Variants in BMP6 observed in about 807,000 individuals in gnomAD.
BMP6 encodes the protein VG-1-R.
In BMP6, 17 loss-of-function variants were observed where a neutral mutation model predicts 54.1. The ratio of observed to expected loss-of-function variants is 0.31; its 90% CI spans 0.22 to 0.47. The LOEUF is 0.47. Ranked by LOEUF, BMP6 falls within the 20% of genes least tolerant of loss-of-function variation. The pLI is 1.00. For synonymous variants in BMP6, 328 were observed against 291.2 expected (o/e 1.13, Z -1.28); for missense variants, 720 against 690.4 (o/e 1.04, Z -0.48).
At chr6:7,789,181 C>T (rs1161495632) in intron 1 of BMP6, among the ~76,000 whole-genome samples, 6 of 152,176 alleles carry the variant, frequency 3.9e-5, no homozygotes, top group Non-Finnish European at 8.8e-5. Context: ...ATTCTGTACC[C>T]CTAGCCCTAC....
intron 1 of BMP6, among the ~76,000 whole-genome samples, chr6:7,755,726 C>T (rs1385298295): frequency 4.6e-5 from 7 of 151,862 alleles, no homozygotes; most frequent in African/African-American, 1.7e-4. Flanking sequence ...TCATGTAATA[C>T]TTGTCTACTG....
chr6:7,837,325 C>T (rs924513866), intron 1 of BMP6, among the ~76,000 whole-genome samples: 1 of 151,868 alleles, frequency 6.6e-6, no homozygotes, highest in Non-Finnish European at 1.5e-5. Context: ...ATTAAAATAT[C>T]TTTATTAGCA....
At chr6:7,854,928 G>A (rs1018257383) in intron 2 of BMP6, among the ~76,000 whole-genome samples, 1 of 152,168 alleles carries the variant, frequency 6.6e-6, no homozygotes, top group African/African-American at 2.4e-5. Context: ...AGCAGACTGG[G>A]TAGCCGTCAG....
At chr6:7,865,526 A>G (rs576393624) in intron 4 of BMP6, among the ~76,000 whole-genome samples, 158 of 152,158 alleles carry the variant, frequency 1.0e-3, no homozygotes, top group African/African-American at 3.7e-3. Flanking sequence ...CTATTCTTCC[A>G]TTAATGGGAG....
At chr6:7,757,488 TA>T (rs1355598752) in intron 1 of BMP6, among the ~76,000 whole-genome samples, 2 of 152,182 alleles carry the variant, frequency 1.3e-5, no homozygotes, top group Non-Finnish European at 2.9e-5. Flanking sequence ...CAGATTGGAT[TA>T]AGGGCCCACC....
chr6:7,832,665 T>C (rs567119657), intron 1 of BMP6, among the ~76,000 whole-genome samples: 8 of 151,246 alleles, frequency 5.3e-5, no homozygotes, highest in African/African-American at 1.9e-4. Context: ...TTGTTTGTTA[T>C]TTTGCACCAA....
At chr6:7,856,610 T>TTTTTTTTTTTTTTTTTTTTTTTTTTTTTG (rs1477184469) in intron 2 of BMP6, among the ~76,000 whole-genome samples, 1 of 122,200 alleles carries the variant, frequency 8.2e-6, no homozygotes, top group Non-Finnish European at 1.7e-5. Context: ...TTTTTTTTTT[T>TTTTTTTTTTTTTTTTTTTTTTTTTTTTTG]TTTTGAGACG....
At chr6:7,826,818 C>T (rs1322058515) in intron 1 of BMP6, among the ~76,000 whole-genome samples, 1 of 152,016 alleles carries the variant, frequency 6.6e-6, no homozygotes, top group Non-Finnish European at 1.5e-5. Context: ...TGTGTGTTTG[C>T]CTATCCACGC....
At position 7,727,230 on chromosome 6, in the gene BMP6, G is replaced by T. The variant is rs773751065; in HGVS notation, c.275G>T (p.Arg92Leu). Residue 92 changes from arginine to leucine, a missense_variant, in exon 1 of 7, where the codon CGG becomes CTG. Around this residue, in one of 3 missense-constraint regions of BMP6, gnomAD observed 650 missense variants for 556.3 expected, o/e 1.17. Transcript: ENST00000283147. ...EILSVLGLPH[R>L]PRPLHGLQQP... Reference sequence around the variant, plus strand: ...TTGTCGGTGCTGGGGCTCCCGCACCGGCCCCGGCCCCTGCACGGCCTCCAA... The same window carrying T: ...TTGTCGGTGCTGGGGCTCCCGCACCTGCCCCGGCCCCTGCACGGCCTCCAA... 3 of 1,605,746 alleles carry T rather than the reference G, an allele frequency of 1.9e-6. No homozygotes were observed. Among genetic ancestry groups the T allele is most frequent in the South Asian group, 2.2e-5 (2 of 90,502 alleles).
intron 2 of BMP6, among the ~76,000 whole-genome samples, chr6:7,851,695 C>T (rs756346187): frequency 6.6e-6 from 1 of 151,976 alleles, no homozygotes; most frequent in Non-Finnish European, 1.5e-5. Flanking sequence ...GATGATTGCT[C>T]TAAATATTTT....
At chr6:7,747,177 C>T (rs1195202923) in intron 1 of BMP6, among the ~76,000 whole-genome samples, 1 of 152,208 alleles carries the variant, frequency 6.6e-6, no homozygotes. Flanking sequence ...TGTTCGATGT[C>T]AGTGTTTGCG....
At chr6:7,782,790 G>A (rs1406097476) in intron 1 of BMP6, among the ~76,000 whole-genome samples, 1 of 152,208 alleles carries the variant, frequency 6.6e-6, no homozygotes, top group Non-Finnish European at 1.5e-5. Context: ...CCAGGACTGA[G>A]TTTGCAGAAG....
chr6:7,755,469 T>G (rs756639239), intron 1 of BMP6, among the ~76,000 whole-genome samples: 1 of 152,252 alleles, frequency 6.6e-6, no homozygotes, highest in Non-Finnish European at 1.5e-5. Context: ...TCAATTTCCT[T>G]CTTCTGTTCT....
At chr6:7,757,375 T>C (rs546665531) in intron 1 of BMP6, among the ~76,000 whole-genome samples, 1 of 152,310 alleles carries the variant, frequency 6.6e-6, no homozygotes, top group East Asian at 1.9e-4. Context: ...TGGCAATCCT[T>C]GTCTTGTAGA....
At chr6:7,803,159 G>T (rs1758297270) in intron 1 of BMP6, among the ~76,000 whole-genome samples, 1 of 152,190 alleles carries the variant, frequency 6.6e-6, no homozygotes, top group Non-Finnish European at 1.5e-5. Flanking sequence ...GGGAAGAGTG[G>T]CGCAGGCAGA....
At chr6:7,760,139 G>A (rs898261633) in intron 1 of BMP6, among the ~76,000 whole-genome samples, 2 of 141,370 alleles carry the variant, frequency 1.4e-5, no homozygotes, top group African/African-American at 2.7e-5. Context: ...ATAGCTTACT[G>A]CAGCCTCGAA....
At chr6:7,758,671 C>T (rs1757562403) in intron 1 of BMP6, among the ~76,000 whole-genome samples, 1 of 152,246 alleles carries the variant, frequency 6.6e-6, no homozygotes, top group Non-Finnish European at 1.5e-5. Flanking sequence ...GAGGATCAGT[C>T]ATAGAAGGCG....
chr6:7,870,817 C>T (rs973885927), intron 4 of BMP6, among the ~76,000 whole-genome samples: 7 of 152,300 alleles, frequency 4.6e-5, no homozygotes, highest in Admixed American at 3.9e-4. Context: ...TTAGTAGAGA[C>T]AGGGTTTCAC....
chr6:7,786,617 T>C (rs1006284675), intron 1 of BMP6, among the ~76,000 whole-genome samples: 4 of 152,142 alleles, frequency 2.6e-5, no homozygotes, highest in African/African-American at 7.2e-5. Context: ...TTAGCTGTTC[T>C]GTGAGTTAGA....
Sources: allele counts gnomAD v4.1 joint callset (sites outside exome capture counted in the v4.1 genomes callset), GRCh38; gene constraint gnomAD v4.1.1; regional missense constraint gnomAD v4.1.1; transcripts MANE v1.5; gene names NCBI Gene and HGNC (gene_info 2026-07-23, HGNC 2026-07-21).